Variants in KDM2A observed in about 807,000 individuals in gnomAD.
KDM2A encodes the protein lysine-specific demethylase 2A.
A neutral mutation model predicts 137.3 loss-of-function variants in KDM2A; 3 were observed. That is an observed-to-expected ratio of 0.02 (90% CI 0.01 to 0.06). The LOEUF (loss-of-function observed/expected upper bound fraction) is 0.06. Ranked by LOEUF, KDM2A falls within the 10% of genes least tolerant of loss-of-function variation. The pLI is 1.00. For synonymous variants in KDM2A, 512 were observed against 541.5 expected (o/e 0.95, Z 0.76); for missense variants, 738 against 1,510.6 (o/e 0.49, Z 8.48).
rs1298992185 is a variant in KDM2A, at chr11:67,232,103, C to T, written c.1479+143C>T. On this transcript the variant is annotated intron_variant, in intron 12 of 20. Coordinates refer to ENST00000529006, the MANE Select transcript of KDM2A (RefSeq NM_012308.3). ...TAATATGCATGTGTGTTTGTTATTGCTGCTCAGTGTTTTCATTACTAGAAT... is the reference window on the plus strand; with the variant it reads ...TAATATGCATGTGTGTTTGTTATTGTTGCTCAGTGTTTTCATTACTAGAAT... The T allele has an allele frequency of 3.9e-6, 3 of 769,506 alleles. No homozygotes were observed. In the African/African-American group the frequency reaches 5.2e-5, roughly 13 times the overall value. The allele number at this position is 769,506 out of a possible 1,614,324, so 47.7% of individuals were successfully genotyped here.
intron 5 of KDM2A, among the ~76,000 whole-genome samples, chr11:67,205,989 C>T (rs970595197): frequency 6.6e-6 from 1 of 152,106 alleles, no homozygotes; most frequent in African/African-American, 2.4e-5. Flanking sequence ...TTTTTACTGC[C>T]GCTTGAGCAC....
At chr11:67,182,520 T>C (rs552281998) in intron 5 of KDM2A, among the ~76,000 whole-genome samples, 41 of 145,480 alleles carry the variant, frequency 2.8e-4, no homozygotes, top group South Asian at 1.3e-3. Context: ...GTCAGTAAAA[T>C]TGAATAAGTC....
At chr11:67,172,634 G>C (rs1203317848) in intron 2 of KDM2A, among the ~76,000 whole-genome samples, 1 of 151,684 alleles carries the variant, frequency 6.6e-6, no homozygotes, top group Non-Finnish European at 1.5e-5. Flanking sequence ...GTGTGTGTGT[G>C]TGTGTGTGTG....
chr11:67,208,556 G>GGT (rs937063793), intron 6 of KDM2A, among the ~76,000 whole-genome samples: 94 of 152,122 alleles, frequency 6.2e-4, no homozygotes, highest in African/African-American at 2.2e-3. Context: ...GATCACCTGA[G>GGT]GTCAGGAGTT....
Position 67,231,629 on chromosome 11 carries a change from G to C in KDM2A, c.1148G>C (p.Arg383Pro), listed in dbSNP as rs375645780. 21 of 1,612,498 alleles carry C rather than the reference G, an allele frequency of 1.3e-5. No individual in the cohort carries two copies. The highest frequency in any genetic ancestry group is 1.8e-5 in the Non-Finnish European group (21 of 1,179,198). Residue 383 changes from arginine to proline, a missense_variant, in exon 12 of 21, where the codon CGA becomes CCA. By Grantham distance (103) the Arg-to-Pro change is moderately radical. Transcript: ENST00000529006. ...GAGGAAGCAGTGGATCGAGAACCCC[G>C]ACGCTTGAGCAGCAGGCGTTCTGTC... Reference protein sequence around the residue: ...GDEEAVDREPRRLSSRRSVLT... With the variant: ...GDEEAVDREPPRLSSRRSVLT...
rs775659922 is a variant in KDM2A, at chr11:67,255,135, C to T, written c.*80C>T. On this transcript the variant is annotated 3_prime_UTR_variant, in exon 21 of 21. Transcript: ENST00000529006. ...AGGAGAGCCTCTCCTCGACCCTGCA[C>T]GGGCTCTGAGGCCAGCGTCACACTC... 202 of 1,323,416 alleles carry T rather than the reference C, an allele frequency of 1.5e-4. No individual in the cohort carries two copies. The highest frequency in any genetic ancestry group is 2.0e-4 in the Non-Finnish European group (192 of 959,476). The allele number at this position is 1,323,416 out of a possible 1,614,324, so 82.0% of individuals were successfully genotyped here.
chr11:67,255,648 G>C lies in KDM2A; in HGVS notation c.*593G>C. 1 of 449,390 alleles carries C rather than the reference G, an allele frequency of 2.2e-6. No individual in the cohort carries two copies. Among genetic ancestry groups the C allele is most frequent in the East Asian group, 7.0e-5 (1 of 14,278 alleles). 27.8% of individuals were successfully genotyped at this position (449,390 alleles called of 1,614,324 possible). A position where few individuals can be genotyped will look rare whatever the true frequency, so the allele number is the denominator to read the frequency against. On this transcript the variant is annotated 3_prime_UTR_variant, in exon 21 of 21. Transcript: ENST00000529006. ...TGCTCTCCCTCCTTTCCTCTCCCTT[G>C]AGCTTGGTTCTGCCCAGCACTCGTG... is the stretch of plus-strand genomic sequence containing the variant.
chr11:67,174,898 GTTAC>G (rs932095236), intron 2 of KDM2A, among the ~76,000 whole-genome samples: 1 of 152,150 alleles, frequency 6.6e-6, no homozygotes, highest in African/African-American at 2.4e-5. Flanking sequence ...GTTTATACTT[GTTAC>G]TTACTGTGAC....
intron 6 of KDM2A, among the ~76,000 whole-genome samples, chr11:67,214,362 G>A (rs1376001930): frequency 3.3e-5 from 5 of 151,962 alleles, no homozygotes; most frequent in Non-Finnish European, 7.4e-5. Context: ...CCGCCACCAC[G>A]CCTGGCTAAT....
intron 5 of KDM2A, among the ~76,000 whole-genome samples, chr11:67,202,224 TAAA>T (rs924428207): frequency 3.3e-5 from 5 of 152,142 alleles, no homozygotes; most frequent in Non-Finnish European, 5.9e-5. Context: ...GATGAGCAAA[TAAA>T]GAAGTTTGTT....
At chr11:67,209,004 C>T (rs537430299) in intron 6 of KDM2A, among the ~76,000 whole-genome samples, 2 of 151,746 alleles carry the variant, frequency 1.3e-5, no homozygotes, top group African/African-American at 4.8e-5. Context: ...GGCACGATCT[C>T]GGTTCACTGC....
intron 12 of KDM2A, 134 bp downstream of exon 12, chr11:67,232,094 T>G: frequency 1.3e-6 from 1 of 798,394 alleles, no homozygotes; most frequent in Non-Finnish European, 2.0e-6. Flanking sequence ...GCATGTGTGT[T>G]TGTTATTGCT....
intron 12 of KDM2A, among the ~76,000 whole-genome samples, chr11:67,235,111 C>T (rs1266535320): frequency 6.9e-6 from 1 of 145,226 alleles, no homozygotes. Flanking sequence ...CACCACTGCA[C>T]TCCAGCCTGG....
chr11:67,240,268 T>C, intron 12 of KDM2A: 2 of 1,535,566 alleles, frequency 1.3e-6, no homozygotes, highest in South Asian at 1.2e-5. Flanking sequence ...AGGCAGAATA[T>C]CTAACTCCTT....
At chr11:67,249,662 G>T (rs191797821) in intron 16 of KDM2A, among the ~76,000 whole-genome samples, 1 of 152,330 alleles carries the variant, frequency 6.6e-6, no homozygotes, top group African/African-American at 2.4e-5. Flanking sequence ...TCACGTGGGG[G>T]TTGGAGTGGA....
At chr11:67,146,717 C>A (rs761073257) in intron 2 of KDM2A, among the ~76,000 whole-genome samples, 7 of 151,954 alleles carry the variant, frequency 4.6e-5, no homozygotes, top group Non-Finnish European at 1.0e-4. Flanking sequence ...GATGTGTTGC[C>A]CAGATTGGTC....
intron 10 of KDM2A, among the ~76,000 whole-genome samples, chr11:67,224,457 C>CTTTTT (rs1491286868): frequency 1.2e-5 from 1 of 82,054 alleles, no homozygotes; most frequent in African/African-American, 5.7e-5. Context: ...AAATTAACCC[C>CTTTTT]TTTCTTTTTT....
chr11:67,210,256 G>A (rs1383231901), intron 6 of KDM2A, among the ~76,000 whole-genome samples: 1 of 151,702 alleles, frequency 6.6e-6, no homozygotes, highest in Non-Finnish European at 1.5e-5. Context: ...CAGCTACTCA[G>A]GGGGTTGAGG....
chr11:67,168,946 A>G (rs1014101244), intron 2 of KDM2A, among the ~76,000 whole-genome samples: 1 of 140,056 alleles, frequency 7.1e-6, no homozygotes, highest in East Asian at 2.1e-4. Flanking sequence ...GATTTAATCC[A>G]TGTAGTTTTT....
Sources: allele counts gnomAD v4.1 joint callset (sites outside exome capture counted in the v4.1 genomes callset), GRCh38; gene constraint gnomAD v4.1.1; transcripts MANE v1.5; gene names NCBI Gene and HGNC (gene_info 2026-07-23, HGNC 2026-07-21).